SFMBT2: variants seen among roughly 807,000 people sequenced by gnomAD.
SFMBT2 encodes Scm like with four mbt domains 2.
In SFMBT2, 38 loss-of-function variants were observed where a neutral mutation model predicts 110.1. The ratio of observed to expected loss-of-function variants is 0.35; its 90% confidence interval spans 0.27 to 0.45. The LOEUF (loss-of-function observed/expected upper bound fraction) is 0.45, where lower values mean the gene tolerates loss of function less well. Ranked by LOEUF, SFMBT2 falls within the 20% of genes least tolerant of loss-of-function variation. The probability of loss-of-function intolerance (pLI) is 1.00; values close to 1 mark genes in which losing one functional copy is unlikely to be tolerated. For synonymous variants in SFMBT2, 425 were observed against 425.4 expected (o/e 1.00, Z 0.01); for missense variants, 1,011 against 1,094.9 (o/e 0.92, Z 1.08).
chr10:7,200,487 G>A lies in SFMBT2; in HGVS notation c.1488-3C>T. On this transcript the variant is annotated splice_region_variant and splice_polypyrimidine_tract_variant and intron_variant, in intron 13 of 20. Coordinates refer to ENST00000397167, the MANE Select transcript of SFMBT2 (RefSeq NM_001387889.1). The stretch of plus-strand genomic sequence containing the variant: ...TAACAGGCACTGTGGGCGGCAATCT[G>A]TCAACAGAGAAAATAAAACTATCAG... 4 of 1,596,302 alleles carry A rather than the reference G, an allele frequency of 2.5e-6. No homozygotes were observed. Among genetic ancestry groups the A allele is most frequent in the Non-Finnish European group, 3.4e-6 (4 of 1,171,202 alleles).
At chr10:7,321,005 T>A (rs1177127546) in intron 4 of SFMBT2, among the ~76,000 whole-genome samples, 1 of 152,236 alleles carries the variant, frequency 6.6e-6, no homozygotes, top group African/African-American at 2.4e-5. Flanking sequence ...CATGTTGAGT[T>A]CCCTCAGGAC....
At chr10:7,241,423 T>A (rs1179114398) in intron 9 of SFMBT2, 1 of 740,570 alleles carries the variant, frequency 1.4e-6, no homozygotes, top group Non-Finnish European at 1.6e-6. Flanking sequence ...TGTATTTGCA[T>A]ATAATATCCA....
intron 16 of SFMBT2, among the ~76,000 whole-genome samples, chr10:7,182,687 T>A (rs1201752412): frequency 8.5e-6 from 1 of 117,378 alleles, no homozygotes; most frequent in African/African-American, 3.4e-5. Context: ...TGGACACAGG[T>A]AGGGGAACAT....
chr10:7,334,872 A>G (rs17335091), intron 4 of SFMBT2, among the ~76,000 whole-genome samples: 6,779 of 152,298 alleles, frequency 0.045, 204 homozygotes, highest in Non-Finnish European at 0.071. Flanking sequence ...GACGACAGGA[A>G]TAAAACCTAG....
chr10:7,228,725 TTCTTTCTTTCCTTTCTC>T (rs1564395256), intron 9 of SFMBT2, among the ~76,000 whole-genome samples: 542 of 107,906 alleles, frequency 5.0e-3, no homozygotes, highest in African/African-American at 0.012. Flanking sequence ...CTTTCTTTCT[TTCTTTCTTTCCTTTCTC>T]TCTCTCTCTC....
intron 1 of SFMBT2, among the ~76,000 whole-genome samples, chr10:7,392,243 G>C (rs1051011437): frequency 6.6e-6 from 1 of 151,868 alleles, no homozygotes; most frequent in Non-Finnish European, 1.5e-5. Flanking sequence ...GCCTGGGTGC[G>C]GTGGCTCACG....
intron 7 of SFMBT2, among the ~76,000 whole-genome samples, chr10:7,261,420 T>C (rs1235657744): frequency 2.0e-5 from 3 of 152,226 alleles, no homozygotes; most frequent in East Asian, 1.9e-4. Context: ...CCATTGTTTA[T>C]AGACCTGCAG....
At chr10:7,388,326 G>GGATGATGATGAT (rs113666945) in intron 1 of SFMBT2, among the ~76,000 whole-genome samples, 2 of 146,074 alleles carry the variant, frequency 1.4e-5, no homozygotes, top group Admixed American at 6.8e-5. Flanking sequence ...AAACAAAGAA[G>GGATGATGATGAT]GATGATGATG....
At chr10:7,254,043 A>C (rs1389913955) in intron 7 of SFMBT2, among the ~76,000 whole-genome samples, 1 of 152,226 alleles carries the variant, frequency 6.6e-6, no homozygotes, top group East Asian at 1.9e-4. Context: ...GGGGTTTGCC[A>C]CTGAAACTTC....
chr10:7,319,872 CAG>C (rs1277079343), intron 4 of SFMBT2, among the ~76,000 whole-genome samples: 3 of 117,872 alleles, frequency 2.5e-5, no homozygotes, highest in Admixed American at 8.4e-5. Flanking sequence ...CAGAGGGAGA[CAG>C]AGAGGGAGAG....
At chr10:7,270,203 C>T (rs930820876) in intron 7 of SFMBT2, among the ~76,000 whole-genome samples, 1 of 152,086 alleles carries the variant, frequency 6.6e-6, no homozygotes, top group Non-Finnish European at 1.5e-5. Context: ...AGGCAGGGAA[C>T]CGAGGGAGGT....
rs754433341 is a variant in SFMBT2 at position 7,367,620 on chromosome 10, A to C, written c.436+29T>G. The C allele has an allele frequency of 6.3e-7, 1 of 1,595,478 alleles. No individual in the cohort carries two copies. The highest frequency in any genetic ancestry group is 8.6e-7 in the Non-Finnish European group (1 of 1,169,048). ...GGCGTCATGAAGGATGGCGGCTCGT[A>C]AATCGAAGCCTTTGAAACAGGGGCT... On this transcript the variant is annotated intron_variant, in intron 4 of 20. Transcript: ENST00000397167. This position sits in a 1 kb window ranked among gnomAD's most constrained non-coding sequence, Gnocchi z 6.2.
intron 2 of SFMBT2, among the ~76,000 whole-genome samples, chr10:7,381,393 G>T (rs1246287541): frequency 1.3e-5 from 2 of 152,160 alleles, no homozygotes; most frequent in Non-Finnish European, 2.9e-5. Context: ...CTAACTTCCT[G>T]TCAAGGGGTT....
At chr10:7,352,585 G>C (rs889345264) in intron 4 of SFMBT2, among the ~76,000 whole-genome samples, 2 of 152,126 alleles carry the variant, frequency 1.3e-5, no homozygotes, top group Admixed American at 1.3e-4. Flanking sequence ...TCTCAGAGAA[G>C]TCCCCACCCA....
At chr10:7,322,960 T>G (rs1843243010) in intron 4 of SFMBT2, among the ~76,000 whole-genome samples, 1 of 152,216 alleles carries the variant, frequency 6.6e-6, no homozygotes, top group Non-Finnish European at 1.5e-5. Flanking sequence ...CCCAAGAGTA[T>G]TCTTCATAGC....
At chr10:7,404,962 C>T (rs1846174621) in intron 1 of SFMBT2, among the ~76,000 whole-genome samples, 1 of 152,206 alleles carries the variant, frequency 6.6e-6, no homozygotes, top group African/African-American at 2.4e-5. Flanking sequence ...TCTTCCCTTC[C>T]TTACAATACA....
intron 4 of SFMBT2, among the ~76,000 whole-genome samples, chr10:7,322,963 T>G (rs1457507411): frequency 6.6e-6 from 1 of 152,186 alleles, no homozygotes; most frequent in African/African-American, 2.4e-5. Flanking sequence ...AAGAGTATTC[T>G]TCATAGCTCT....
Position 7,284,100 on chromosome 10 carries a change from T to C in SFMBT2, c.576A>G (p.Ile192Met). ...PIDLITVGSL[I>M]ELQDSQNPFQ... ...AAGGGTTCTGGGAATCCTGAAGTTC[T>C]ATTAAGGAACCAACTGTAATGAGGT... The change falls in exon 6 of 21, where the codon ATA becomes ATG. Residue 192 changes from isoleucine to methionine, a missense_variant. Ile to Met is a conservative substitution (Grantham distance 10). This residue lies in a region of SFMBT2 where 979 missense variants were observed against 1,016.1 expected (regional missense o/e 0.96). Coordinates refer to ENST00000397167, the MANE Select transcript of SFMBT2 (RefSeq NM_001387889.1). The C allele has an allele frequency of 6.2e-7, 1 of 1,614,258 alleles. No homozygotes were observed. Among genetic ancestry groups the C allele is most frequent in the Non-Finnish European group, 8.5e-7 (1 of 1,180,038 alleles).
chr10:7,354,762 C>T (rs1009501764), intron 4 of SFMBT2, among the ~76,000 whole-genome samples: 1 of 152,138 alleles, frequency 6.6e-6, no homozygotes, highest in African/African-American at 2.4e-5. Context: ...GTAAAGTATG[C>T]CCTGTCCTCC....
Sources: allele counts gnomAD v4.1 joint callset (sites outside exome capture counted in the v4.1 genomes callset), GRCh38; gene constraint gnomAD v4.1.1; regional missense constraint gnomAD v4.1.1; non-coding constraint Gnocchi (gnomAD v3.1); transcripts MANE v1.5; gene names NCBI Gene and HGNC (gene_info 2026-07-23, HGNC 2026-07-21).